Variants in ABCB7 observed in about 807,000 individuals in gnomAD.
ABCB7 encodes iron-sulfur clusters transporter ABCB7, mitochondrial.
In ABCB7, 7 loss-of-function variants were observed where a neutral mutation model predicts 54.4. That is an observed-to-expected ratio of 0.13 (90% CI 0.07 to 0.24). The LOEUF is 0.24. Ranked by LOEUF, ABCB7 falls within the 10% of genes least tolerant of loss-of-function variation. ABCB7 has a pLI of 1.00. For missense variants in ABCB7, 356 were observed against 570.4 expected (o/e 0.62, Z 3.83); for synonymous variants, 218 against 207.1 (o/e 1.05, Z -0.45).
intron 6 of ABCB7, among the ~76,000 whole-genome samples, chrX:75,074,188 T>C (rs1027977115): frequency 3.6e-5 from 4 of 111,104 alleles, no homozygotes; most frequent in African/African-American, 1.3e-4. Flanking sequence ...CAAATACTAA[T>C]AGGAAGATAG....
intron 1 of ABCB7, among the ~76,000 whole-genome samples, chrX:75,147,936 C>T (rs1433826035): frequency 1.8e-5 from 2 of 110,807 alleles, no homozygotes; most frequent in Non-Finnish European, 3.8e-5. Flanking sequence ...GCCAACATGG[C>T]GAAACCCTAT....
At chrX:75,055,538 C>A (rs1169788988) in intron 15 of ABCB7, among the ~76,000 whole-genome samples, 1 of 90,847 alleles carries the variant, frequency 1.1e-5, no homozygotes, top group Non-Finnish European at 2.2e-5. Flanking sequence ...GAGACACCCC[C>A]CCGCCCATCT....
chrX:75,139,322 G>A (rs991366335), intron 1 of ABCB7, among the ~76,000 whole-genome samples: 2 of 111,513 alleles, frequency 1.8e-5, no homozygotes, highest in East Asian at 2.8e-4. Context: ...CACTTTATTC[G>A]AACTGATGTA....
At chrX:75,075,206 G>A (rs1272902767) in intron 6 of ABCB7, among the ~76,000 whole-genome samples, 156 bp downstream of exon 6, 2 of 111,938 alleles carry the variant, frequency 1.8e-5, no homozygotes, top group Non-Finnish European at 3.8e-5. Context: ...GTCCATTGAA[G>A]CTTGTGGCAA....
intron 15 of ABCB7, among the ~76,000 whole-genome samples, chrX:75,056,963 A>G (rs1390366585): frequency 8.9e-6 from 1 of 112,062 alleles, no homozygotes; most frequent in Non-Finnish European, 1.9e-5. Context: ...AATATATTCA[A>G]AAGTTACTTG....
chrX:75,083,789 A>C (rs2147482402), intron 4 of ABCB7, among the ~76,000 whole-genome samples: 1 of 110,777 alleles, frequency 9.0e-6, no homozygotes, highest in South Asian at 3.8e-4. Flanking sequence ...GAAACAGAAT[A>C]GATTCCAGAA....
intron 1 of ABCB7, among the ~76,000 whole-genome samples, chrX:75,143,724 A>G (rs988911839): frequency 5.4e-5 from 6 of 111,185 alleles, no homozygotes; most frequent in African/African-American, 1.3e-4. Flanking sequence ...TGATGATGGT[A>G]GGCAAAGAGA....
chrX:75,059,606 G>C (rs2081266697), intron 15 of ABCB7, among the ~76,000 whole-genome samples: 1 of 111,167 alleles, frequency 9.0e-6, no homozygotes, highest in African/African-American at 3.3e-5. Flanking sequence ...GGGGTGTGGG[G>C]AGAAGAGGTC....
At chrX:75,094,078 CAATA>C (rs1283577892) in intron 4 of ABCB7, among the ~76,000 whole-genome samples, 3 of 95,625 alleles carry the variant, frequency 3.1e-5, no homozygotes, top group African/African-American at 1.3e-4. Context: ...GTTAGTCACT[CAATA>C]AATACTTGCT....
intron 4 of ABCB7, among the ~76,000 whole-genome samples, chrX:75,081,296 C>A (rs183676855): frequency 5.1e-4 from 57 of 111,116 alleles, no homozygotes; most frequent in African/African-American, 1.8e-3. Flanking sequence ...AAAAGTGCTT[C>A]CAGGAATATT....
chrX:75,141,425 T>A (rs1453748648), intron 1 of ABCB7, among the ~76,000 whole-genome samples: 1 of 111,506 alleles, frequency 9.0e-6, no homozygotes, highest in Non-Finnish European at 1.9e-5. Context: ...TGTTTTTTTT[T>A]AATATAATCA....
At chrX:75,137,940 T>G (rs1334802691) in intron 1 of ABCB7, among the ~76,000 whole-genome samples, 1 of 111,067 alleles carries the variant, frequency 9.0e-6, no homozygotes, top group African/African-American at 3.3e-5. Context: ...ATTACCTGGG[T>G]GACAAAATTA....
intron 1 of ABCB7, among the ~76,000 whole-genome samples, chrX:75,151,199 C>G (rs1013663920): frequency 2.7e-5 from 3 of 111,646 alleles, no homozygotes; most frequent in African/African-American, 9.8e-5. Flanking sequence ...CTAGTTAAAA[C>G]CAATGTGTCA....
At chrX:75,068,524 G>A (rs779159990) in intron 12 of ABCB7, among the ~76,000 whole-genome samples, 2 of 112,155 alleles carry the variant, frequency 1.8e-5, no homozygotes, top group African/African-American at 6.5e-5. Flanking sequence ...CAAAATTGAG[G>A]ATGGCAGACA....
chrX:75,098,093 G>C (rs2081606979), intron 4 of ABCB7, among the ~76,000 whole-genome samples: 1 of 111,269 alleles, frequency 9.0e-6, no homozygotes, highest in South Asian at 3.8e-4. Flanking sequence ...TGGATCACCT[G>C]GGGTCAGGAG....
chrX:75,112,950 A>G lies in ABCB7; in HGVS notation c.269T>C (p.Ile90Thr). 1 of 1,209,159 alleles carries G rather than the reference A, an allele frequency of 8.3e-7. No individual in the cohort carries two copies. Among genetic ancestry groups the G allele is most frequent in the East Asian group, 3.0e-5 (1 of 33,779 alleles). The change falls in exon 3 of 16, where the codon ATA becomes ACA. Residue 90 changes from isoleucine (I) to threonine (T), a missense_variant. By Grantham distance (89) the Ile-to-Thr change is moderately conservative (BLOSUM62 -1). Around this residue, in one of 2 missense-constraint regions of ABCB7, gnomAD observed 115 missense variants for 99.5 expected, o/e 1.16. Coordinates refer to ENST00000373394, the MANE Select transcript of ABCB7 (RefSeq NM_001271696.3). ...ACCATGCCAACATGTCCTCTTTTCT[A>G]TCAGTGGCCATACCTGGAGAGCCTA... ...AAKALQVWPL[I>T]EKRTCWHGHA...
intron 1 of ABCB7, among the ~76,000 whole-genome samples, chrX:75,138,890 C>T (rs1276027822): frequency 9.2e-6 from 1 of 108,573 alleles, no homozygotes; most frequent in Non-Finnish European, 1.9e-5. Flanking sequence ...CACCTGTAGT[C>T]CCAGCTACTC....
intron 4 of ABCB7, among the ~76,000 whole-genome samples, chrX:75,092,487 G>A (rs963514708): frequency 2.7e-5 from 3 of 111,321 alleles, no homozygotes; most frequent in African/African-American, 9.8e-5. Flanking sequence ...AGAAGATAAC[G>A]TAAGATAAAA....
In ABCB7 at chrX:75,133,739, G is replaced by A. The variant is rs189252599; in HGVS notation, c.169-18908C>T. On this transcript the variant is annotated intron_variant, in intron 1 of 15. Transcript: ENST00000373394. ...TTAATATCCAGCCAAACTAAGCTTC[G>A]TAAGCAAAGGAGAAACAAAATCCTT... is the stretch of plus-strand genomic sequence containing the variant. 3.1e-3 allele frequency among the ~76,000 whole-genome samples: 341 copies of A among 111,658 alleles called. 1 individual carries two copies. Among genetic ancestry groups the A allele is most frequent in the African/African-American group, 0.01 (308 of 30,740 alleles).
Sources: allele counts gnomAD v4.1 joint callset (sites outside exome capture counted in the v4.1 genomes callset), GRCh38; gene constraint gnomAD v4.1.1; regional missense constraint gnomAD v4.1.1; transcripts MANE v1.5; gene names NCBI Gene and HGNC (gene_info 2026-07-23, HGNC 2026-07-21).